The following EVC variants were observed in gnomAD, a reference collection of about 807,000 sequenced individuals.
The protein encoded by EVC is evC complex member EVC.
EVC carries 116 observed loss-of-function variants against 118.9 expected under a neutral mutation model. That is an observed-to-expected ratio of 0.98 (90% CI 0.84 to 1.14). EVC has a LOEUF of 1.14. EVC is among the 50% of genes most tolerant of loss of function. EVC has a pLI of 0.00. For missense variants in EVC, 1,401 were observed against 1,246.4 expected (o/e 1.12, Z -1.87); for synonymous variants, 619 against 534.7 (o/e 1.16, Z -2.18).
intron 13 of EVC, among the ~76,000 whole-genome samples, chr4:5,795,120 T>C (rs940537852): frequency 2.8e-4 from 42 of 152,358 alleles, no homozygotes; most frequent in African/African-American, 9.9e-4. Context: ...CATTTCTTTA[T>C]CCAATCCACC....
intron 5 of EVC, among the ~76,000 whole-genome samples, chr4:5,734,809 C>G (rs1054624558): frequency 6.6e-6 from 1 of 152,192 alleles, no homozygotes; most frequent in Admixed American, 6.5e-5. Context: ...CCCTTCACCC[C>G]CTCTATCCCC....
At chr4:5,711,738 T>A (rs1012346612) in intron 1 of EVC, among the ~76,000 whole-genome samples, 184 bp downstream of exon 1, 3 of 152,202 alleles carry the variant, frequency 2.0e-5, no homozygotes, top group Non-Finnish European at 2.9e-5. Flanking sequence ...CTAAAGGGCA[T>A]TGGCCTGGGG....
chr4:5,788,438 C>G lies in EVC; in HGVS notation c.1776+4674C>G, dbSNP rs114586360. Among the ~76,000 whole-genome samples, 633 of 152,106 alleles carry G rather than the reference C, an allele frequency of 4.2e-3. 1 individual carries two copies. Among genetic ancestry groups the G allele is most frequent in the African/African-American group, 0.015 (603 of 41,480 alleles). On this transcript the variant is annotated intron_variant, in intron 12 of 20. Coordinates refer to ENST00000264956, the MANE Select transcript of EVC (RefSeq NM_153717.3). ...CCAACAGCTTCCAAATTTACATGCT[C>G]AGCTCAGGATCATTCCTGAACTCAG...
chr4:5,787,591 C>T (rs763604362), intron 12 of EVC, among the ~76,000 whole-genome samples: 1 of 152,036 alleles, frequency 6.6e-6, no homozygotes, highest in African/African-American at 2.4e-5. Context: ...CCTGCCAACC[C>T]TCATTTCAGG....
At position 5,761,246 on chromosome 4, in the gene EVC, G is replaced by A. The variant is rs770359420; in HGVS notation, c.1563+4884G>A. Among the ~76,000 whole-genome samples the A allele has an allele frequency of 5.9e-5, 9 of 152,044 alleles. 1 individual carries two copies. The highest frequency in any genetic ancestry group is 1.5e-4 in the African/African-American group (6 of 41,328). On this transcript the variant is annotated intron_variant, in intron 11 of 20. Coordinates refer to ENST00000264956, the MANE Select transcript of EVC (RefSeq NM_153717.3). The stretch of plus-strand genomic sequence containing the variant: ...GTAGGTGCTCAGTGAATGCCTCCCC[G>A]CCTGCTCCACAGGGAGCATGATCTC...
In EVC at chr4:5,797,177, A is replaced by T; in HGVS notation, c.2042A>T (p.Glu681Val). Reference protein sequence around the residue: ...LQELREQRALEQGSSQCLDEH... With the variant: ...LQELREQRALVQGSSQCLDEH... ...GAGCTGCGGGAACAGCGTGCACTGG[A>T]GCAGGGGTCCTCCCAGTGCCTGGAC... is the stretch of plus-strand genomic sequence containing the variant. The change falls in exon 14 of 21, where the codon GAG becomes GTG. Residue 681 changes from glutamate (E) to valine (V), a missense_variant. Physicochemically the swap from Glu to Val is moderately radical, Grantham distance 121 (BLOSUM62 -2). Coordinates refer to ENST00000264956, the MANE Select transcript of EVC (RefSeq NM_153717.3). 6.2e-7 allele frequency: 1 copy of T among 1,613,394 alleles called. No individual in the cohort carries two copies. The highest frequency in any genetic ancestry group is 8.5e-7 in the Non-Finnish European group (1 of 1,180,008).
chr4:5,799,378 C>T (rs575170362), intron 15 of EVC, among the ~76,000 whole-genome samples: 2 of 152,316 alleles, frequency 1.3e-5, no homozygotes, highest in Non-Finnish European at 2.9e-5. Context: ...CTTCCTACCT[C>T]GTCTTGTTGG....
chr4:5,749,497 G>T lies in EVC; in HGVS notation c.1098+1191G>T, dbSNP rs537618292. ...TGGGCTCTGTTGTTTGGAGCTGTGT[G>T]ATCTTGAACACATTACTTAACCTCT... On this transcript the variant is annotated intron_variant, in intron 8 of 20. Coordinates refer to ENST00000264956, the MANE Select transcript of EVC (RefSeq NM_153717.3). This position sits in a 1 kb window ranked among gnomAD's most constrained non-coding sequence, Gnocchi z 4.4. Among the ~76,000 whole-genome samples, 3 of 152,148 alleles carry T rather than the reference G, an allele frequency of 2.0e-5. No homozygotes were observed. Among genetic ancestry groups the T allele is most frequent in the African/African-American group, 7.2e-5 (3 of 41,438 alleles).
Position 5,798,851 on chromosome 4 carries a change from C to T in EVC, c.2304+59C>T. 1 of 1,549,572 alleles carries T rather than the reference C, an allele frequency of 6.5e-7. No homozygotes were observed. Among genetic ancestry groups the T allele is most frequent in the Non-Finnish European group, 8.8e-7 (1 of 1,138,038 alleles). ...GGGCAAGAATGTTCAGGGTAGGGTC[C>T]ATGCCTGGGTCTGCTCCTTGCCACA... On this transcript the variant is annotated intron_variant, in intron 15 of 20. Coordinates refer to ENST00000264956, the MANE Select transcript of EVC (RefSeq NM_153717.3). The surrounding 1 kb of genome is among the most constrained non-coding windows in gnomAD (Gnocchi z 4.1).
At position 5,789,965 on chromosome 4, in the gene EVC, G is replaced by A. The variant is rs1712447442; in HGVS notation, c.1777-3643G>A. Among the ~76,000 whole-genome samples, 1 of 152,112 alleles carries A rather than the reference G, an allele frequency of 6.6e-6. No homozygotes were observed. The highest frequency in any genetic ancestry group is 1.5e-5 in the Non-Finnish European group (1 of 68,022). ...GGAGGCCAAGGCAGGTAGATCACCT[G>A]AGATCAAGAGTTCGAGACCAGCCTG... On this transcript the variant is annotated intron_variant, in intron 12 of 20. Transcript: ENST00000264956. The surrounding 1 kb of genome is among the most constrained non-coding windows in gnomAD (Gnocchi z 4.3).
At chr4:5,784,021 C>A (rs1320870185) in intron 12 of EVC, among the ~76,000 whole-genome samples, 1 of 152,016 alleles carries the variant, frequency 6.6e-6, no homozygotes, top group East Asian at 1.9e-4. Context: ...TTCTTTAGAA[C>A]GAGAGAAATA....
the EVC span, chr4:5,821,536 C>T: frequency 5.8e-5 from 32 of 551,458 alleles, no homozygotes; most frequent in African/African-American, 2.6e-4. This position sits in a 1 kb window ranked among gnomAD's most constrained non-coding sequence, Gnocchi z 4.4. Flanking sequence ...CACCATGCTC[C>T]GAGGTGGATT....
the EVC span, chr4:5,821,505 A>G: frequency 1.9e-6 from 1 of 525,602 alleles, no homozygotes; most frequent in Admixed American, 3.1e-5. The surrounding 1 kb of genome is among the most constrained non-coding windows in gnomAD (Gnocchi z 4.4). Flanking sequence ...CCTGTGGTTC[A>G]CTAGGAAGGG....
chr4:5,778,161 C>A (rs1016964637), intron 11 of EVC, among the ~76,000 whole-genome samples: 19 of 151,518 alleles, frequency 1.3e-4, no homozygotes, highest in Non-Finnish European at 2.2e-4. Context: ...CTACAAAGGA[C>A]ATGAACTCAT....
rs78285545 is a variant in EVC, at chr4:5,737,455, G to A, written c.702+4020G>A. Among the ~76,000 whole-genome samples, 201 of 152,330 alleles carry A rather than the reference G, an allele frequency of 1.3e-3. No homozygotes were observed. The highest frequency in any genetic ancestry group is 4.7e-3 in the African/African-American group (194 of 41,580). ...ATAGCACAATATGGTCATGGAAGAA[G>A]ATGCCATCTAAGACTTCATAGCTAA... On this transcript the variant is annotated intron_variant, in intron 5 of 20. Transcript: ENST00000264956. The surrounding 1 kb of genome is among the most constrained non-coding windows in gnomAD (Gnocchi z 5.0).
intron 11 of EVC, among the ~76,000 whole-genome samples, chr4:5,761,791 G>C (rs560325140): frequency 1.3e-5 from 2 of 151,916 alleles, no homozygotes; most frequent in South Asian, 4.2e-4. Context: ...ACAATGAGTT[G>C]TGTTCCACCT....
chr4:5,757,943 C>A, intron 11 of EVC: 1 of 611,226 alleles, frequency 1.6e-6, no homozygotes, highest in Non-Finnish European at 2.9e-6. Flanking sequence ...TTCAAAACGT[C>A]ATGTCCATCT....
intron 15 of EVC, chr4:5,801,708 T>A (rs1400256014): frequency 2.8e-5 from 12 of 433,818 alleles, no homozygotes; most frequent in African/African-American, 6.2e-5. Flanking sequence ...GGGGAAGGCC[T>A]CTTAGCCGAC....
chr4:5,796,331 A>G (rs182353042), intron 13 of EVC, among the ~76,000 whole-genome samples: 357 of 152,106 alleles, frequency 2.3e-3, no homozygotes, highest in African/African-American at 8.3e-3. Context: ...TCGTCTGGGT[A>G]TTTTTATTGG....
Sources: allele counts gnomAD v4.1 joint callset (sites outside exome capture counted in the v4.1 genomes callset), GRCh38; gene constraint gnomAD v4.1.1; non-coding constraint Gnocchi (gnomAD v3.1); transcripts MANE v1.5; gene names NCBI Gene and HGNC (gene_info 2026-07-23, HGNC 2026-07-21).